FANCB: variants seen among roughly 807,000 people sequenced by gnomAD.
FANCB encodes Fanconi anemia group B protein.
FANCB carries 5 observed loss-of-function variants against 38.9 expected under a neutral mutation model. The ratio of observed to expected loss-of-function variants is 0.13; its 90% CI spans 0.07 to 0.27. The LOEUF is 0.27. Ranked by LOEUF, FANCB falls within the 10% of genes least tolerant of loss-of-function variation. The probability of loss-of-function intolerance (pLI) is 1.00; values close to 1 mark genes in which losing one functional copy is unlikely to be tolerated. For missense variants in FANCB, 573 were observed against 602.7 expected (o/e 0.95, Z 0.52); for synonymous variants, 236 against 215.4 (o/e 1.10, Z -0.84).
At chrX:14,859,148 T>C (rs763809401) in intron 4 of FANCB, 34 bp downstream of exon 4, 42 of 1,033,451 alleles carry the variant, frequency 4.1e-5, no homozygotes, top group Non-Finnish European at 5.4e-5. Context: ...AAAATGGTTC[T>C]TAAAATACCA....
chrX:14,803,472 G>A, the FANCB span, among the ~76,000 whole-genome samples: 1 of 112,527 alleles, frequency 8.9e-6, no homozygotes, highest in South Asian at 3.6e-4. Context: ...AAATGCTATT[G>A]CAGAATAAGG....
chrX:14,865,428 G>C lies in FANCB; in HGVS notation c.83C>G (p.Ser28Cys). The C allele has an allele frequency of 1.3e-5, 16 of 1,209,897 alleles. No homozygotes were observed. The highest frequency in any genetic ancestry group is 1.8e-5 in the Non-Finnish European group (16 of 894,395). ...YNGEVLVFQLSKGNFADKEPT... is the reference protein window; with the variant it reads ...YNGEVLVFQLCKGNFADKEPT... ...CTCTTTATCTGCAAAATTTCCTTTA[G>C]ACAACTGGAAAACAAGGACTTCCCC... Residue 28 changes from serine (S) to cysteine (C), a missense_variant, in exon 3 of 10, where the codon TCT (serine) becomes TGT (cysteine). Coordinates refer to ENST00000650831, the MANE Select transcript of FANCB (RefSeq NM_001018113.3).
At chrX:14,746,227 T>C in the FANCB span, among the ~76,000 whole-genome samples, 2 of 112,178 alleles carry the variant, frequency 1.8e-5, no homozygotes, top group Middle Eastern at 4.6e-3. Context: ...AATGATTGAA[T>C]CTTGTCATTC....
At chrX:14,851,171 T>C (rs1384672574) in intron 6 of FANCB, among the ~76,000 whole-genome samples, 1 of 112,031 alleles carries the variant, frequency 8.9e-6, no homozygotes. Flanking sequence ...TATATAACAT[T>C]CGAAAGAGTA....
the FANCB span, among the ~76,000 whole-genome samples, chrX:14,775,346 A>C: frequency 2.7e-5 from 3 of 110,316 alleles, no homozygotes; most frequent in Admixed American, 2.9e-4. Flanking sequence ...TACAATTGAT[A>C]CTTGGCCAGG....
the FANCB span, among the ~76,000 whole-genome samples, chrX:14,755,793 A>G: frequency 9.0e-6 from 1 of 111,474 alleles, no homozygotes; most frequent in African/African-American, 3.3e-5. Context: ...CAGAAATAGA[A>G]AAAAAAATCC....
chrX:14,727,959 T>C, the FANCB span, among the ~76,000 whole-genome samples: 2 of 112,376 alleles, frequency 1.8e-5, no homozygotes, highest in Non-Finnish European at 3.8e-5. Flanking sequence ...CAATTAATGG[T>C]TGAATTAAAA....
intron 1 of FANCB, chrX:14,869,388 T>G (rs746242673): frequency 8.9e-5 from 10 of 111,992 alleles, no homozygotes; most frequent in African/African-American, 3.2e-4. Context: ...ATGGTCAGAA[T>G]TTATGAAAGT....
chrX:14,837,067 C>A (rs771587868), intron 10 of FANCB, among the ~76,000 whole-genome samples: 12 of 112,160 alleles, frequency 1.1e-4, no homozygotes, highest in Non-Finnish European at 1.7e-4. Context: ...CTCTATATTC[C>A]CTTCTACTTT....
At chrX:14,836,563 CAATAA>C (rs1459929444) in intron 10 of FANCB, among the ~76,000 whole-genome samples, 1 of 111,861 alleles carries the variant, frequency 8.9e-6, no homozygotes, top group Non-Finnish European at 1.9e-5. Flanking sequence ...TACAGTTCCG[CAATAA>C]AATAAACCAA....
the FANCB span, among the ~76,000 whole-genome samples, chrX:14,804,638 A>C: frequency 1.8e-5 from 2 of 112,057 alleles, no homozygotes; most frequent in African/African-American, 6.5e-5. Context: ...GTATAATAAA[A>C]AAATAAAAAT....
chrX:14,784,732 C>T, the FANCB span, among the ~76,000 whole-genome samples: 72 of 112,154 alleles, frequency 6.4e-4, no homozygotes, highest in Non-Finnish European at 1.2e-3. Context: ...CACTGCAGCA[C>T]TATTCACAAT....
At chrX:14,755,108 T>C in the FANCB span, among the ~76,000 whole-genome samples, 2 of 112,049 alleles carry the variant, frequency 1.8e-5, no homozygotes, top group Non-Finnish European at 3.8e-5. Context: ...TAAAATTCAA[T>C]GTCCCTTCAT....
rs750639868 is a variant in FANCB, at chrX:14,844,937, C to G, written c.1846G>C (p.Val616Leu). 1 of 1,202,579 alleles carries G rather than the reference C, an allele frequency of 8.3e-7. No homozygotes were observed. ...AGACTTAAAAAAACTCTGCCACACA[C>G]AACATAACGATCTTTAGGACAGTTA... is the stretch of plus-strand genomic sequence containing the variant. ...SGNCPKDRYV[V>L]CGRVFLSLED... Residue 616 changes from valine to leucine, a missense_variant, in exon 8 of 10, where the codon GTG becomes CTG. By Grantham distance (32) the Val-to-Leu change is conservative. Coordinates refer to ENST00000650831, the MANE Select transcript of FANCB (RefSeq NM_001018113.3).
At chrX:14,818,820 T>C in the FANCB span, among the ~76,000 whole-genome samples, 3 of 112,333 alleles carry the variant, frequency 2.7e-5, no homozygotes, top group African/African-American at 9.7e-5. Context: ...ACGAAGTCTT[T>C]GAAATATAAT....
the FANCB span, among the ~76,000 whole-genome samples, chrX:14,825,099 C>T: frequency 8.9e-6 from 1 of 112,169 alleles, no homozygotes; most frequent in Non-Finnish European, 1.9e-5. Flanking sequence ...TACATTGTTG[C>T]TTCTTTGAAG....
the FANCB span, among the ~76,000 whole-genome samples, chrX:14,732,378 A>G: frequency 2.7e-5 from 3 of 112,292 alleles, no homozygotes; most frequent in African/African-American, 9.7e-5. Context: ...AGAATGATTT[A>G]TAATCCTTTG....
At chrX:14,690,580 A>T in the FANCB span, 2 of 466,938 alleles carry the variant, frequency 4.3e-6, no homozygotes, top group Non-Finnish European at 7.3e-6. Context: ...CTGGAAAATC[A>T]TTGACCAAGG....
At chrX:14,809,998 G>A in the FANCB span, among the ~76,000 whole-genome samples, 23 of 111,946 alleles carry the variant, frequency 2.1e-4, no homozygotes, top group African/African-American at 6.5e-4. Flanking sequence ...CCAGAGAAAC[G>A]ATCAGACAGC....
Sources: gnomAD v4.1 joint callset for allele counts (sites outside exome capture counted in the v4.1 genomes callset) on GRCh38, gnomAD v4.1.1 for gene constraint, MANE v1.5 for transcripts, NCBI Gene and HGNC (gene_info 2026-07-23, HGNC 2026-07-21) for gene names.